Variants in ZER1 observed in about 807,000 individuals in gnomAD.
The protein encoded by ZER1 is protein zer-1 homolog.
In ZER1, 11 loss-of-function variants were observed where a neutral mutation model predicts 78.8. That is an observed-to-expected ratio of 0.14 (90% confidence interval 0.09 to 0.23). The LOEUF (loss-of-function observed/expected upper bound fraction) is 0.23. Ranked by LOEUF, ZER1 falls within the 10% of genes least tolerant of loss-of-function variation. The pLI is 1.00. For missense variants in ZER1, 588 were observed against 996.9 expected, an observed-to-expected ratio of 0.59 and a Z score of 5.52; for synonymous variants, 400 against 407.0, an observed-to-expected ratio of 0.98 and a Z score of 0.21.
chr9:128,765,824 C>G (rs1394272633), intron 1 of ZER1, among the ~76,000 whole-genome samples: 1 of 152,096 alleles, frequency 6.6e-6, no homozygotes, highest in African/African-American at 2.4e-5. Context: ...GAAAACCAGA[C>G]GCCACCTGGC....
intron 1 of ZER1, among the ~76,000 whole-genome samples, chr9:128,764,931 T>C (rs1299719504): frequency 6.6e-6 from 1 of 151,852 alleles, no homozygotes; most frequent in Non-Finnish European, 1.5e-5. Flanking sequence ...ATGAAGGAAG[T>C]GGGAGAGAAG....
In ZER1 at chr9:128,743,728, CTTTAAT is replaced by C. The variant is rs371986328; in HGVS notation, c.1360-989_1360-984del. Among the ~76,000 whole-genome samples, 10 of 150,610 alleles carry C rather than the reference CTTTAAT, an allele frequency of 6.6e-5. No homozygotes were observed. The East Asian group carries it at 1.8e-3, about 27-fold the overall frequency. On this transcript the variant is annotated intron_variant, in intron 8 of 15. Transcript: ENST00000291900. Reference sequence around the variant, plus strand: ...AGCAACTGCACCTGGCCCCTGCTTTCTTTAATTTTATTTAGTTTTTGAGACAGGGTC... The same window carrying C: ...AGCAACTGCACCTGGCCCCTGCTTTCTTTATTTAGTTTTTGAGACAGGGTC...
At chr9:128,750,590 C>T (rs367739970) in intron 8 of ZER1, 26 bp downstream of exon 8, 88 of 1,609,192 alleles carry the variant, frequency 5.5e-5, no homozygotes, top group Non-Finnish European at 6.7e-5. Context: ...CCAGAGCATG[C>T]GGGGCCGTGG....
In ZER1 at chr9:128,751,266, T is replaced by C; in HGVS notation, c.1041A>G (p.Val347=). ...CRLTHIPAYK[V]SGDKNEEQVL... is the part of the protein sequence containing the mutation. The stretch of plus-strand genomic sequence containing the variant: ...CCTGCTCTTCGTTTTTGTCACCACT[T>C]ACCTGCGGGTGGGACACGCTCAGAA... The change falls in exon 7 of 16, where the codon GTA becomes GTG. Residue 347 remains valine, a splice_region_variant and synonymous_variant. Transcript: ENST00000291900. This position sits in a 1 kb window ranked among gnomAD's most constrained non-coding sequence, Gnocchi z 5.4. 6.3e-7 allele frequency: 1 copy of C among 1,597,686 alleles called. No individual in the cohort carries two copies. Among genetic ancestry groups the C allele is most frequent in the Non-Finnish European group, 8.6e-7 (1 of 1,166,702 alleles).
chr9:128,738,446 C>T (rs529441501), intron 13 of ZER1, among the ~76,000 whole-genome samples: 1,811 of 150,036 alleles, frequency 0.012, 43 homozygotes, highest in African/African-American at 0.042. Context: ...AGTGCAGTGG[C>T]GCGATCTCGG....
chr9:128,764,419 G>C (rs12555038), intron 1 of ZER1, among the ~76,000 whole-genome samples: 70,225 of 151,946 alleles, frequency 0.46, 18,172 homozygotes, highest in Non-Finnish European at 0.57. Flanking sequence ...CTTTTCTGCA[G>C]GTCTGAGCCC....
At chr9:128,746,103 G>T (rs1407299890) in intron 8 of ZER1, 1 of 152,176 alleles carries the variant, frequency 6.6e-6, no homozygotes, top group Non-Finnish European at 1.5e-5. Flanking sequence ...GCCTCCCAAA[G>T]TGTGAGGATT....
chr9:128,733,018 CA>C (rs1489701111), intron 15 of ZER1: 1 of 162,160 alleles, frequency 6.2e-6, no homozygotes, highest in Non-Finnish European at 1.4e-5. Flanking sequence ...TCACATTCAG[CA>C]AACTCACTCG....
chr9:128,769,994 T>A (rs1864333420), intron 1 of ZER1, among the ~76,000 whole-genome samples: 1 of 152,194 alleles, frequency 6.6e-6, no homozygotes. Context: ...TTAGACACCC[T>A]GTGACCCTGT....
Position 128,740,743 on chromosome 9 carries a change from CAAA to C in ZER1, c.1853+26_1853+28del, listed in dbSNP as rs750655075. 1.3e-6 allele frequency: 1 copy of C among 779,286 alleles called. No homozygotes were observed. Among genetic ancestry groups the C allele is most frequent in the South Asian group, 1.3e-5 (1 of 74,542 alleles). The allele number at this position is 779,286 out of a possible 1,614,324, so 48.3% of individuals were successfully genotyped here. On this transcript the variant is annotated intron_variant, in intron 12 of 15. Transcript: ENST00000291900. The surrounding 1 kb of genome is among the most constrained non-coding windows in gnomAD (Gnocchi z 4.4). ...GCTCTGAGCATTGTGGCAGCTAAGG[CAAA>C]AAGGGAAAGGATTAAAAATACCAAC...
chr9:128,742,292 C>T (rs188773473), intron 9 of ZER1, among the ~76,000 whole-genome samples: 44 of 152,342 alleles, frequency 2.9e-4, no homozygotes, highest in Admixed American at 6.5e-4. Flanking sequence ...GCAGGATGAG[C>T]GCAGGGACTG....
chr9:128,734,194 AATAG>A (rs1399227093), intron 14 of ZER1, among the ~76,000 whole-genome samples: 22 of 105,294 alleles, frequency 2.1e-4, no homozygotes, highest in African/African-American at 5.7e-4. Context: ...ATATATATAT[AATAG>A]ATATAATTTT....
chr9:128,734,815 C>G (rs1220716524), intron 14 of ZER1, among the ~76,000 whole-genome samples: 3 of 151,764 alleles, frequency 2.0e-5, no homozygotes, highest in Non-Finnish European at 4.4e-5. Context: ...ATTCTGGTGA[C>G]CTGCCAGGTT....
At chr9:128,758,380 C>G (rs1316094111) in intron 1 of ZER1, among the ~76,000 whole-genome samples, 1 of 151,846 alleles carries the variant, frequency 6.6e-6, no homozygotes, top group Non-Finnish European at 1.5e-5. Context: ...CTCGCCTTGG[C>G]CTCCCAAAGT....
intron 8 of ZER1, among the ~76,000 whole-genome samples, chr9:128,750,140 T>C (rs188920246): frequency 6.6e-6 from 1 of 152,358 alleles, no homozygotes; most frequent in African/African-American, 2.4e-5. Context: ...CAGTATGCAG[T>C]TTGTGTATCC....
chr9:128,741,774 C>T (rs765362456), intron 10 of ZER1, 26 bp downstream of exon 10: 34 of 1,614,038 alleles, frequency 2.1e-5, no homozygotes, highest in Non-Finnish European at 2.6e-5. Flanking sequence ...GAAAGGGTAG[C>T]GTGGCTTCGT....
chr9:128,745,954 C>G (rs2132426306), intron 8 of ZER1: 1 of 152,264 alleles, frequency 6.6e-6, no homozygotes, highest in Admixed American at 6.5e-5. Context: ...ATCCTCCTGC[C>G]TCAGCCTCCC....
chr9:128,733,603 T>C (rs1862917388), intron 14 of ZER1, 75 bp from the exon 15 acceptor site: 1 of 1,339,446 alleles, frequency 7.5e-7, no homozygotes, highest in African/African-American at 1.4e-5. Flanking sequence ...ACCCACCCTG[T>C]CTGTGAGGAC....
chr9:128,770,707 CT>C (rs1864356730), intron 1 of ZER1, among the ~76,000 whole-genome samples: 3 of 152,198 alleles, frequency 2.0e-5, no homozygotes, highest in African/African-American at 7.2e-5. Context: ...CCCTTCACCC[CT>C]GGCCACCACT....
Sources: gnomAD v4.1 joint callset for allele counts (sites outside exome capture counted in the v4.1 genomes callset) on GRCh38, gnomAD v4.1.1 for gene constraint, Gnocchi (gnomAD v3.1) non-coding constraint, MANE v1.5 for transcripts, NCBI Gene and HGNC (gene_info 2026-07-23, HGNC 2026-07-21) for gene names.